SPHKAP: variants seen among roughly 807,000 people sequenced by gnomAD.
The protein encoded by SPHKAP is A-kinase anchor protein SPHKAP.
Under a neutral mutation model 137.5 loss-of-function variants are expected in SPHKAP, and 67 were observed. The observed-to-expected ratio is 0.49, with a 90% CI of 0.40 to 0.60. The LOEUF is 0.60. Ranked by LOEUF, SPHKAP falls within the 20% of genes least tolerant of loss-of-function variation. The pLI, the probability that SPHKAP is intolerant of heterozygous loss-of-function variation, is 0.00. For missense variants in SPHKAP, 2,097 were observed against 2,069.3 expected (o/e 1.01, Z -0.26); for synonymous variants, 813 against 785.3 (o/e 1.04, Z -0.59).
intron 2 of SPHKAP, among the ~76,000 whole-genome samples, chr2:228,115,047 T>C (rs1349812017): frequency 6.6e-6 from 1 of 152,166 alleles, no homozygotes; most frequent in African/African-American, 2.4e-5. Context: ...TTGTGTTGTC[T>C]GGATGTATCA....
At chr2:228,103,035 G>T (rs577134151) in intron 3 of SPHKAP, among the ~76,000 whole-genome samples, 4 of 152,030 alleles carry the variant, frequency 2.6e-5, no homozygotes, top group Non-Finnish European at 5.9e-5. Flanking sequence ...GTGAGCCACC[G>T]CACCAGGCCC....
At chr2:228,095,451 A>G (rs1023404747) in intron 3 of SPHKAP, among the ~76,000 whole-genome samples, 24 of 152,152 alleles carry the variant, frequency 1.6e-4, no homozygotes, top group African/African-American at 5.8e-4. Flanking sequence ...AATTAAAGAG[A>G]GACTAGTGTT....
chr2:228,126,829 A>T (rs1053376769), intron 2 of SPHKAP, among the ~76,000 whole-genome samples: 1 of 152,184 alleles, frequency 6.6e-6, no homozygotes, highest in Non-Finnish European at 1.5e-5. Flanking sequence ...AATACTGCAG[A>T]GGAAATTTGA....
chr2:228,133,615 T>C (rs1412555073), intron 1 of SPHKAP, among the ~76,000 whole-genome samples: 4 of 152,348 alleles, frequency 2.6e-5, no homozygotes, highest in African/African-American at 9.6e-5. Context: ...TGGAACATAA[T>C]CTGATAGTTC....
chr2:227,985,535 T>G (rs919136472), intron 11 of SPHKAP, among the ~76,000 whole-genome samples: 13 of 152,182 alleles, frequency 8.5e-5, no homozygotes, highest in Non-Finnish European at 8.8e-5. Flanking sequence ...CAAGTCACGA[T>G]CTGAGTTTTT....
intron 3 of SPHKAP, among the ~76,000 whole-genome samples, chr2:228,078,349 G>T: frequency 6.6e-6 from 1 of 150,968 alleles, no homozygotes; most frequent in African/African-American, 2.4e-5. Flanking sequence ...TCAAAGTGTT[G>T]GCTATTTGCT....
At chr2:228,123,207 T>G (rs1259047755) in intron 2 of SPHKAP, among the ~76,000 whole-genome samples, 1 of 152,220 alleles carries the variant, frequency 6.6e-6, no homozygotes, top group Non-Finnish European at 1.5e-5. Flanking sequence ...TCACTTTTAG[T>G]AGGATAATTC....
intron 2 of SPHKAP, among the ~76,000 whole-genome samples, chr2:228,118,552 T>C (rs1395650553): frequency 6.6e-6 from 1 of 152,106 alleles, no homozygotes; most frequent in African/African-American, 2.4e-5. Context: ...GCTTTTACAT[T>C]TATTTTAGTA....
At chr2:228,043,570 G>A (rs1444949422) in intron 3 of SPHKAP, among the ~76,000 whole-genome samples, 1 of 152,092 alleles carries the variant, frequency 6.6e-6, no homozygotes, top group Non-Finnish European at 1.5e-5. Context: ...CAAGTGATCC[G>A]CCCATCTTGG....
chr2:228,016,673 G>A lies in SPHKAP; in HGVS notation c.4181C>T (p.Thr1394Ile). 6.2e-7 allele frequency: 1 copy of A among 1,614,128 alleles called. No homozygotes were observed. The highest frequency in any genetic ancestry group is 1.7e-5 in the Admixed American group (1 of 60,014). ...TTTAGAATCTAAAGGGCTGTGGTTT[G>A]TAAGAGAAGCAGTTTTGCTCAAAGA... ...VSSLSKTASL[T>I]NHSPLDSKKE... The change falls in exon 7 of 12, where the codon ACA becomes ATA. Residue 1394 changes from threonine (T) to isoleucine (I), a missense_variant. Transcript: ENST00000392056.
chr2:228,160,213 T>TGGACAA (rs1700234154), intron 1 of SPHKAP, among the ~76,000 whole-genome samples: 2 of 152,226 alleles, frequency 1.3e-5, no homozygotes, highest in African/African-American at 2.4e-5. Context: ...TTCCCCATGA[T>TGGACAA]TATACAATTT....
At chr2:228,007,117 C>A (rs928816157) in intron 7 of SPHKAP, among the ~76,000 whole-genome samples, 1 of 152,204 alleles carries the variant, frequency 6.6e-6, no homozygotes, top group Non-Finnish European at 1.5e-5. Context: ...ACGCTGGGAA[C>A]TGCAGACTGG....
In SPHKAP at chr2:228,108,854, T is replaced by A; in HGVS notation, c.224A>T (p.Asp75Val). 6.2e-7 allele frequency: 1 copy of A among 1,610,044 alleles called. No individual in the cohort carries two copies. The highest frequency in any genetic ancestry group is 1.1e-5 in the South Asian group (1 of 90,474). ...TACAGAAGCACAGTTTTCAGACTTG[T>A]CTTCTACAAAACCAATTTGGCAGGG... ...RMPCQIGFVE[D>V]KSENCASVCF... Residue 75 changes from aspartate to valine, a missense_variant, in exon 3 of 12, where the codon GAC becomes GTC. Coordinates refer to ENST00000392056, the MANE Select transcript of SPHKAP (RefSeq NM_001142644.2).
intron 3 of SPHKAP, among the ~76,000 whole-genome samples, chr2:228,050,287 A>G (rs1208594577): frequency 6.6e-6 from 1 of 152,204 alleles, no homozygotes; most frequent in African/African-American, 2.4e-5. Context: ...GAGGTTTCTC[A>G]AATAATTTAA....
At chr2:228,163,209 C>T (rs986806178) in intron 1 of SPHKAP, among the ~76,000 whole-genome samples, 5 of 152,028 alleles carry the variant, frequency 3.3e-5, no homozygotes, top group Middle Eastern at 3.2e-3. Context: ...CCAACACAAC[C>T]CAATGTTTTT....
chr2:228,051,053 C>T (rs1357590796), intron 3 of SPHKAP, among the ~76,000 whole-genome samples: 1 of 152,128 alleles, frequency 6.6e-6, no homozygotes, highest in African/African-American at 2.4e-5. Flanking sequence ...CAATCCTCCA[C>T]CTCGGCCTCC....
At chr2:228,089,215 GC>G (rs1697639822) in intron 3 of SPHKAP, among the ~76,000 whole-genome samples, 1 of 152,218 alleles carries the variant, frequency 6.6e-6, no homozygotes, top group African/African-American at 2.4e-5. Context: ...GGGAAATGGA[GC>G]AAAGGTCACA....
chr2:228,016,364 C>T (rs753907870), intron 7 of SPHKAP, 42 bp downstream of exon 7: 1 of 1,511,720 alleles, frequency 6.6e-7, no homozygotes, highest in Non-Finnish European at 8.8e-7. Context: ...GACGCAAACT[C>T]CAGTCACATG....
Position 228,018,172 on chromosome 2 carries a change from G to C in SPHKAP, c.2682C>G (p.Ile894Met). The change falls in exon 7 of 12, where the codon ATC becomes ATG. Residue 894 changes from isoleucine (I) to methionine (M), a missense_variant. Transcript: ENST00000392056. The stretch of plus-strand genomic sequence containing the variant: ...AGGACAGGTTGACTTGAACTTCGTT[G>C]ATGCGAGATGTGGCACAGTTGTACT... ...QEKYNCATSRINEVQVNLSLL... is the reference protein window; with the variant it reads ...QEKYNCATSRMNEVQVNLSLL... 3 of 1,614,176 alleles carry C rather than the reference G, an allele frequency of 1.9e-6. No individual in the cohort carries two copies. The highest frequency in any genetic ancestry group is 2.5e-6 in the Non-Finnish European group (3 of 1,180,032).
Sources: gnomAD v4.1 joint callset for allele counts (sites outside exome capture counted in the v4.1 genomes callset) on GRCh38, gnomAD v4.1.1 for gene constraint, MANE v1.5 for transcripts, NCBI Gene and HGNC (gene_info 2026-07-23, HGNC 2026-07-21) for gene names.